The following LEPR variants were observed in gnomAD, a reference collection of about 807,000 sequenced individuals.
The protein encoded by LEPR is leptin receptor.
LEPR carries 56 observed loss-of-function variants against 114.7 expected under a neutral mutation model. That is an observed-to-expected ratio of 0.49 (90% confidence interval 0.39 to 0.61). The LOEUF is 0.61. Ranked by LOEUF, LEPR falls within the 20% of genes least tolerant of loss-of-function variation. The pLI is 0.00. For missense variants in LEPR, 1,202 were observed against 1,352.9 expected, an observed-to-expected ratio of 0.89 and a Z score of 1.75; for synonymous variants, 443 against 461.4, an observed-to-expected ratio of 0.96 and a Z score of 0.51.
intron 7 of LEPR, among the ~76,000 whole-genome samples, chr1:65,598,440 T>C (rs1656226487): frequency 6.6e-6 from 1 of 152,134 alleles, no homozygotes. Context: ...TTAATTATCA[T>C]TATGATTTTT....
At chr1:65,454,924 C>T (rs1162174683) in intron 2 of LEPR, among the ~76,000 whole-genome samples, 2 of 152,212 alleles carry the variant, frequency 1.3e-5, no homozygotes, top group Admixed American at 1.3e-4. Flanking sequence ...GTACACCAAT[C>T]AGACGTAGAT....
At chr1:65,432,882 A>G (rs1646505955) in intron 2 of LEPR, 7 of 859,878 alleles carry the variant, frequency 8.1e-6, no homozygotes, top group Non-Finnish European at 9.8e-6. Flanking sequence ...CTTATATTCA[A>G]AAATCATAAA....
chr1:65,513,028 C>T (rs1228777814), intron 2 of LEPR, among the ~76,000 whole-genome samples: 1 of 152,190 alleles, frequency 6.6e-6, no homozygotes, highest in Non-Finnish European at 1.5e-5. Context: ...ACCTCCTTGA[C>T]TCTTACAGCA....
chr1:65,565,727 C>T (rs1653688278), intron 3 of LEPR, 122 bp downstream of exon 3: 5 of 1,272,430 alleles, frequency 3.9e-6, no homozygotes, highest in Admixed American at 2.0e-5. Flanking sequence ...AATTCTCATA[C>T]ATGCTTATGA....
intron 3 of LEPR, among the ~76,000 whole-genome samples, chr1:65,568,355 A>G (rs992713031): frequency 2.0e-5 from 3 of 152,144 alleles, no homozygotes; most frequent in Admixed American, 6.5e-5. Context: ...TGTGTACAAT[A>G]CTACTTATAA....
intron 2 of LEPR, among the ~76,000 whole-genome samples, chr1:65,546,404 G>A (rs1374971262): frequency 5.3e-5 from 8 of 152,130 alleles, no homozygotes; most frequent in African/African-American, 1.9e-4. Flanking sequence ...TGGGCAGTAT[G>A]GCCATTTTCA....
At position 65,452,706 on chromosome 1, in the gene LEPR, T is replaced by G. The variant is rs571049259; in HGVS notation, c.-21+27328T>G. On this transcript the variant is annotated intron_variant, in intron 2 of 19. Transcript: ENST00000349533. ...CAGTATTTTATTGAGGATTTTTGCATCAATGTTCATCAAGGATATTGGTCT... is the reference window on the plus strand; with the variant it reads ...CAGTATTTTATTGAGGATTTTTGCAGCAATGTTCATCAAGGATATTGGTCT... 3.0e-4 allele frequency among the ~76,000 whole-genome samples: 46 copies of G among 151,732 alleles called. No homozygotes were observed. The East Asian group carries it at 7.4e-3, about 24-fold the overall frequency.
intron 11 of LEPR, 127 bp downstream of exon 11, chr1:65,605,364 A>T: frequency 8.4e-7 from 1 of 1,183,446 alleles, no homozygotes; most frequent in Admixed American, 1.9e-5. Flanking sequence ...GTTCCTGTTT[A>T]CAGTGGTATT....
intron 2 of LEPR, among the ~76,000 whole-genome samples, chr1:65,466,353 C>T (rs1343412548): frequency 6.6e-6 from 1 of 152,088 alleles, no homozygotes; most frequent in East Asian, 1.9e-4. Context: ...AATATTGGCC[C>T]CCACTCTCTT....
chr1:65,548,228 C>G (rs1181712458), intron 2 of LEPR, among the ~76,000 whole-genome samples: 50 of 152,020 alleles, frequency 3.3e-4, no homozygotes, highest in African/African-American at 1.2e-3. Flanking sequence ...TTACTTCCAA[C>G]CATGTGGTCA....
At chr1:65,607,122 C>T (rs1044133821) in intron 11 of LEPR, among the ~76,000 whole-genome samples, 9 of 152,094 alleles carry the variant, frequency 5.9e-5, no homozygotes, top group African/African-American at 1.9e-4. Flanking sequence ...GGAACTCTAT[C>T]GTCAGTTCTC....
chr1:65,573,315 T>A (rs6588152), intron 5 of LEPR, among the ~76,000 whole-genome samples: 31,753 of 152,126 alleles, frequency 0.21, 3,575 homozygotes, highest in South Asian at 0.29. Flanking sequence ...ATTGCAGGTA[T>A]AGGTGGGCAT....
At chr1:65,536,988 A>G (rs1650822179) in intron 2 of LEPR, among the ~76,000 whole-genome samples, 1 of 152,190 alleles carries the variant, frequency 6.6e-6, no homozygotes, top group African/African-American at 2.4e-5. Flanking sequence ...GTTGGTCATT[A>G]AGAAAGTGTC....
At chr1:65,501,990 G>C (rs1262580063) in intron 2 of LEPR, among the ~76,000 whole-genome samples, 1 of 152,114 alleles carries the variant, frequency 6.6e-6, no homozygotes, top group Non-Finnish European at 1.5e-5. Context: ...AGTTATATGA[G>C]ATACATAATC....
chr1:65,429,345 G>A (rs1307063022), intron 2 of LEPR, among the ~76,000 whole-genome samples: 2 of 152,182 alleles, frequency 1.3e-5, no homozygotes, highest in Non-Finnish European at 2.9e-5. Context: ...AAAGGCTGGT[G>A]TGGCTACAGA....
chr1:65,502,448 C>G (rs1166551226), intron 2 of LEPR, among the ~76,000 whole-genome samples: 3 of 151,364 alleles, frequency 2.0e-5, no homozygotes, highest in Non-Finnish European at 2.9e-5. Flanking sequence ...TTTTTTATGG[C>G]AGCTTAGCAA....
intron 2 of LEPR, among the ~76,000 whole-genome samples, chr1:65,470,360 A>G (rs1223132270): frequency 6.6e-6 from 1 of 152,236 alleles, no homozygotes; most frequent in Admixed American, 6.5e-5. Context: ...CGTATTTTAA[A>G]TAGGATTTCG....
At chr1:65,609,125 A>G (rs1657010443) in intron 12 of LEPR, among the ~76,000 whole-genome samples, 1 of 152,238 alleles carries the variant, frequency 6.6e-6, no homozygotes, top group Admixed American at 6.5e-5. Flanking sequence ...TTGGTTGCAT[A>G]TTATGTTCCT....
intron 2 of LEPR, among the ~76,000 whole-genome samples, chr1:65,473,448 A>C (rs894214070): frequency 7.2e-5 from 11 of 152,240 alleles, no homozygotes; most frequent in African/African-American, 1.2e-4. Context: ...AAATCAATAC[A>C]AAAGTTATTG....
Sources: gnomAD v4.1 joint callset for allele counts (sites outside exome capture counted in the v4.1 genomes callset) on GRCh38, gnomAD v4.1.1 for gene constraint, MANE v1.5 for transcripts, NCBI Gene and HGNC (gene_info 2026-07-23, HGNC 2026-07-21) for gene names.